The following PBRM1 variants were observed in gnomAD, a reference collection of about 807,000 sequenced individuals.
PBRM1 encodes protein polybromo-1.
PBRM1 carries 27 observed loss-of-function variants against 194.5 expected under a neutral mutation model. The ratio of observed to expected loss-of-function variants is 0.14; its 90% CI spans 0.10 to 0.19. PBRM1 has a LOEUF of 0.19. PBRM1 is among the 10% of genes least tolerant of loss of function. The pLI, the probability that PBRM1 is intolerant of heterozygous loss-of-function variation, is 1.00. For missense variants in PBRM1, 1,466 were observed against 2,077.2 expected (o/e 0.71, Z 5.72); for synonymous variants, 655 against 693.2 (o/e 0.94, Z 0.87).
At chr3:52,611,832 CA>C (rs1576698015) in intron 15 of PBRM1, among the ~76,000 whole-genome samples, 1 of 151,810 alleles carries the variant, frequency 6.6e-6, no homozygotes, top group Non-Finnish European at 1.5e-5. Flanking sequence ...ACAAAACACA[CA>C]AAAAACCCCA....
At chr3:52,545,693 T>G, downstream of PBRM1, 1 of 233,182 alleles carries the variant, frequency 4.3e-6, no homozygotes, top group Middle Eastern at 1.3e-3. Context: ...ACCTACAGGT[T>G]CCCCTCAGTC....
chr3:52,681,738 C>T, upstream of PBRM1: 6 of 1,017,406 alleles, frequency 5.9e-6, no homozygotes, highest in Non-Finnish European at 7.1e-6. Flanking sequence ...AGCCAGTCTC[C>T]TCATTATGTC....
intron 5 of PBRM1, among the ~76,000 whole-genome samples, chr3:52,655,141 G>GT (rs2096585366): frequency 6.6e-6 from 1 of 151,882 alleles, no homozygotes; most frequent in Non-Finnish European, 1.5e-5. Flanking sequence ...TGTGGCATGA[G>GT]GTACACTCAC....
At chr3:52,583,417 CA>C (rs935286733) in intron 20 of PBRM1, among the ~76,000 whole-genome samples, 212 of 139,824 alleles carry the variant, frequency 1.5e-3, no homozygotes, top group Non-Finnish European at 2.0e-3. Flanking sequence ...TAAAAAAAAA[CA>C]AAAAAAAAAA....
intron 17 of PBRM1, among the ~76,000 whole-genome samples, chr3:52,599,252 C>T (rs893075910): frequency 1.5e-4 from 23 of 152,124 alleles, no homozygotes; most frequent in African/African-American, 3.4e-4. Context: ...ATGGATACAA[C>T]GTATAACAAT....
intron 14 of PBRM1, 40 bp downstream of exon 16, chr3:52,617,222 C>A (rs201286449): frequency 1.9e-6 from 3 of 1,573,044 alleles, no homozygotes; most frequent in Non-Finnish European, 2.6e-6. Context: ...ACCCCTCTCC[C>A]GCAAAATGTG....
chr3:52,634,583 A>T lies in PBRM1; in HGVS notation c.1301+19T>A. The T allele has an allele frequency of 1.0e-5, 15 of 1,431,400 alleles. No homozygotes were observed. The highest frequency in any genetic ancestry group is 1.5e-5 in the Non-Finnish European group (15 of 1,014,990). 88.7% of individuals were successfully genotyped at this position (1,431,400 alleles called of 1,614,324 possible). ...ACAACAAAATAAAATTATACTGAAT[A>T]ATGTAGAAGACATCTTACCGGATCT... On this transcript the variant is annotated intron_variant, in intron 11 of 29. Transcript: ENST00000296302.
rs2153491939 is a variant in PBRM1, at chr3:52,617,544, G to A, written c.1542-6C>T. On this transcript the variant is annotated splice_region_variant and splice_polypyrimidine_tract_variant and intron_variant, in intron 13 of 29. Transcript: ENST00000296302. ...GCTTTCTTATGTTCTTTTTACTGTT[G>A]AGGGGGAGGTAGAAAAGGGGAAAAA... The A allele has an allele frequency of 6.3e-7, 1 of 1,591,724 alleles. No homozygotes were observed. Among genetic ancestry groups the A allele is most frequent in the Non-Finnish European group, 8.5e-7 (1 of 1,174,096 alleles).
chr3:52,564,835 C>T (rs992990395), intron 22 of PBRM1, among the ~76,000 whole-genome samples: 1 of 152,150 alleles, frequency 6.6e-6, no homozygotes, highest in South Asian at 2.1e-4. Context: ...ACAGATGGTA[C>T]GGTACCAGGA....
chr3:52,632,827 A>G (rs984299881), intron 11 of PBRM1, among the ~76,000 whole-genome samples: 1 of 151,748 alleles, frequency 6.6e-6, no homozygotes, highest in African/African-American at 2.4e-5. Flanking sequence ...CCGAGTAGCT[A>G]GGATTACTGG....
At chr3:52,647,018 T>C (rs2096312560) in intron 7 of PBRM1, among the ~76,000 whole-genome samples, 1 of 152,076 alleles carries the variant, frequency 6.6e-6, no homozygotes, top group African/African-American at 2.4e-5. Flanking sequence ...GATAAGGGTA[T>C]AATATCCAGA....
intron 17 of PBRM1, among the ~76,000 whole-genome samples, chr3:52,601,185 T>C (rs910649947): frequency 1.3e-5 from 2 of 152,208 alleles, no homozygotes; most frequent in Non-Finnish European, 2.9e-5. Context: ...GTTTGTACAG[T>C]AGTGTAATCT....
intron 2 of PBRM1, among the ~76,000 whole-genome samples, chr3:52,671,822 C>T (rs2096955127): frequency 6.6e-6 from 1 of 152,130 alleles, no homozygotes; most frequent in Admixed American, 6.5e-5. Context: ...TCTCCTAATT[C>T]AGGATGATGA....
At chr3:52,643,434 T>C in intron 8 of PBRM1, 91 bp from the exon 10 acceptor site, 1 of 815,126 alleles carries the variant, frequency 1.2e-6, no homozygotes, top group Non-Finnish European at 2.1e-6. Context: ...TTTTCTTCTC[T>C]TCTAAATAGA....
chr3:52,639,826 C>A (rs2096001374), intron 10 of PBRM1, among the ~76,000 whole-genome samples: 1 of 151,964 alleles, frequency 6.6e-6, no homozygotes, highest in South Asian at 2.1e-4. Flanking sequence ...CTGCCTCAGC[C>A]TCTAAAAGTG....
intron 2 of PBRM1, among the ~76,000 whole-genome samples, chr3:52,675,760 A>C (rs990304810): frequency 1.3e-5 from 2 of 152,218 alleles, no homozygotes; most frequent in Non-Finnish European, 2.9e-5. Flanking sequence ...AAAACCATTC[A>C]ATGAGAAAAG....
At chr3:52,674,059 A>AAT (rs1553890849) in intron 2 of PBRM1, among the ~76,000 whole-genome samples, 1 of 150,724 alleles carries the variant, frequency 6.6e-6, no homozygotes. Context: ...TCAAAAAAAA[A>AAT]ATATATATAT....
At chr3:52,655,326 G>A (rs1169319702) in intron 5 of PBRM1, among the ~76,000 whole-genome samples, 3 of 152,110 alleles carry the variant, frequency 2.0e-5, no homozygotes, top group African/African-American at 4.8e-5. Flanking sequence ...AAATCATACA[G>A]TATTTGTCCT....
chr3:52,652,121 C>T (rs1659461123), intron 5 of PBRM1, among the ~76,000 whole-genome samples: 1 of 152,186 alleles, frequency 6.6e-6, no homozygotes, highest in African/African-American at 2.4e-5. Flanking sequence ...CGGTAGCTCA[C>T]GCCTGCAATC....
Sources: gnomAD v4.1 joint callset for allele counts (sites outside exome capture counted in the v4.1 genomes callset) on GRCh38, gnomAD v4.1.1 for gene constraint, MANE v1.5 for transcripts, NCBI Gene and HGNC (gene_info 2026-07-23, HGNC 2026-07-21) for gene names.